CHRM3: variants seen among roughly 807,000 people sequenced by gnomAD.
The protein encoded by CHRM3 is cholinergic receptor muscarinic 3, also known as muscarinic acetylcholine receptor M3.
Under a neutral mutation model 41.8 loss-of-function variants are expected in CHRM3, and 11 were observed. The ratio of observed to expected loss-of-function variants is 0.26; its 90% CI spans 0.17 to 0.44. The LOEUF is 0.44. CHRM3 is among the 20% of genes least tolerant of loss of function. CHRM3 has a pLI of 1.00. For missense variants in CHRM3, 571 were observed against 745.4 expected (o/e 0.77, Z 2.72); for synonymous variants, 297 against 301.4 (o/e 0.99, Z 0.15).
At position 239,655,881 on chromosome 1, in the gene CHRM3, A is replaced by C. The variant is rs561394134; in HGVS notation, c.-249-22305A>C. On this transcript the variant is annotated intron_variant, in intron 4 of 6. Transcript: ENST00000676153. ...CAGACATAAAAATGTTGGTGTTGGC[A>C]ATAGCAAAGATGTGGAACTAATCCA... Among the ~76,000 whole-genome samples, 44 of 152,350 alleles carry C rather than the reference A, an allele frequency of 2.9e-4. No homozygotes were observed. The South Asian group carries it at 8.7e-3, about 30-fold the overall frequency.
At chr1:239,852,799 T>C (rs917526693) in intron 6 of CHRM3, among the ~76,000 whole-genome samples, 9 of 152,172 alleles carry the variant, frequency 5.9e-5, no homozygotes, top group African/African-American at 1.9e-4. Flanking sequence ...TTTCATGAGA[T>C]TAATTTTAAA....
chr1:239,684,218 G>C (rs1658849498), intron 5 of CHRM3, among the ~76,000 whole-genome samples: 1 of 152,064 alleles, frequency 6.6e-6, no homozygotes, highest in Admixed American at 6.6e-5. Flanking sequence ...CTAATTTGCT[G>C]TTACAGGGCA....
chr1:239,509,288 T>G (rs1263858609), intron 2 of CHRM3, among the ~76,000 whole-genome samples: 1 of 152,230 alleles, frequency 6.6e-6, no homozygotes, highest in African/African-American at 2.4e-5. Context: ...ACAGGTGTTT[T>G]TTTTAAACTA....
At chr1:239,625,580 G>A (rs1329334380) in intron 3 of CHRM3, among the ~76,000 whole-genome samples, 1 of 25,214 alleles carries the variant, frequency 4.0e-5, no homozygotes, top group Non-Finnish European at 6.1e-5. Flanking sequence ...TCTTGTGCCA[G>A]TTTTCAAAGG....
At chr1:239,736,911 A>C (rs1272840691) in intron 5 of CHRM3, among the ~76,000 whole-genome samples, 2 of 152,168 alleles carry the variant, frequency 1.3e-5, no homozygotes, top group Non-Finnish European at 2.9e-5. Context: ...TTTGCATGAA[A>C]GTTCAGTCTT....
intron 5 of CHRM3, among the ~76,000 whole-genome samples, chr1:239,789,883 T>G (rs930583114): frequency 3.3e-5 from 5 of 152,198 alleles, no homozygotes; most frequent in African/African-American, 9.7e-5. Flanking sequence ...AGATTCCTCA[T>G]TAGTCTTTTG....
chr1:239,448,351 A>C (rs1664303054), intron 1 of CHRM3, among the ~76,000 whole-genome samples: 1 of 152,208 alleles, frequency 6.6e-6, no homozygotes, highest in Non-Finnish European at 1.5e-5. Context: ...GTCACTGATT[A>C]GTCAAATTAT....
chr1:239,760,690 T>C (rs895826323), intron 5 of CHRM3, among the ~76,000 whole-genome samples: 7 of 152,234 alleles, frequency 4.6e-5, no homozygotes, highest in Non-Finnish European at 8.8e-5. Context: ...GGGGCCGCTC[T>C]GCTCATGTGT....
Position 239,908,052 on chromosome 1 carries a change from G to A in CHRM3, c.601G>A (p.Ala201Thr). ...LAWVISFVLW[A>T]PAILFWQYFV... is the part of the protein sequence containing the mutation. ...TTGGGTCATCTCCTTTGTCCTTTGG[G>A]CTCCTGCCATCTTGTTCTGGCAATA... The change falls in exon 7 of 7, where the codon GCT becomes ACT. Residue 201 changes from alanine (A) to threonine (T), a missense_variant. Physicochemically the swap from Ala to Thr is moderately conservative, Grantham distance 58. Around this residue, in one of 5 missense-constraint regions of CHRM3, gnomAD observed 153 missense variants for 296.3 expected, o/e 0.52. Transcript: ENST00000676153. This position sits in a 1 kb window ranked among gnomAD's most constrained non-coding sequence, Gnocchi z 7.2. 6.2e-7 allele frequency: 1 copy of A among 1,614,138 alleles called. No homozygotes were observed. The highest frequency in any genetic ancestry group is 8.5e-7 in the Non-Finnish European group (1 of 1,180,028).
chr1:239,642,499 G>A (rs12086609), intron 4 of CHRM3, among the ~76,000 whole-genome samples: 52,521 of 151,666 alleles, frequency 0.35, 9,421 homozygotes, highest in African/African-American at 0.42. Flanking sequence ...TTCCCTTCTC[G>A]CTTCATTTCA....
intron 4 of CHRM3, among the ~76,000 whole-genome samples, chr1:239,649,449 G>A (rs867825019): frequency 4.2e-4 from 64 of 150,632 alleles, no homozygotes; most frequent in African/African-American, 1.5e-3. Context: ...AAAGACGTAA[G>A]TCTGATTTGA....
intron 5 of CHRM3, among the ~76,000 whole-genome samples, chr1:239,714,498 G>T (rs1662141167): frequency 6.6e-6 from 1 of 152,160 alleles, no homozygotes; most frequent in Non-Finnish European, 1.5e-5. Flanking sequence ...GGGATGAGCA[G>T]AGGCAGAAGA....
chr1:239,674,155 C>A (rs553011367), intron 4 of CHRM3, among the ~76,000 whole-genome samples: 26 of 152,118 alleles, frequency 1.7e-4, no homozygotes, highest in Non-Finnish European at 3.2e-4. Context: ...TTCCTAGGAA[C>A]GCCATTTTTT....
At chr1:239,389,884 G>A (rs972571190) in intron 1 of CHRM3, among the ~76,000 whole-genome samples, 1 of 152,164 alleles carries the variant, frequency 6.6e-6, no homozygotes, top group African/African-American at 2.4e-5. Flanking sequence ...GTGCCGGGAA[G>A]TTTATACTGG....
At chr1:239,714,509 C>G (rs1235718720) in intron 5 of CHRM3, among the ~76,000 whole-genome samples, 1 of 152,120 alleles carries the variant, frequency 6.6e-6, no homozygotes, top group Non-Finnish European at 1.5e-5. Context: ...AGGCAGAAGA[C>G]AGCTTGTGCC....
intron 1 of CHRM3, among the ~76,000 whole-genome samples, chr1:239,392,353 C>T (rs528053018): frequency 2.1e-4 from 32 of 152,302 alleles, no homozygotes; most frequent in African/African-American, 7.7e-4. Context: ...ATTTGAGTGG[C>T]TGACTATCCA....
At position 239,909,350 on chromosome 1, in the gene CHRM3, A is replaced by T; in HGVS notation, c.*126A>T. ...TGGTTTTATCACCCAGATGTGAAAG[A>T]AGCTGCCTGTTTACTGATCCATTGA... is the stretch of plus-strand genomic sequence containing the variant. On this transcript the variant is annotated 3_prime_UTR_variant, in exon 7 of 7. Coordinates refer to ENST00000676153, the MANE Select transcript of CHRM3 (RefSeq NM_001375978.1). 1 of 936,454 alleles carries T rather than the reference A, an allele frequency of 1.1e-6. No homozygotes were observed. Among genetic ancestry groups the T allele is most frequent in the Non-Finnish European group, 1.6e-6 (1 of 634,324 alleles). The allele number at this position is 936,454 out of a possible 1,614,324, so 58.0% of individuals were successfully genotyped here.
intron 3 of CHRM3, among the ~76,000 whole-genome samples, chr1:239,613,481 G>A (rs1667287811): frequency 6.6e-6 from 1 of 152,160 alleles, no homozygotes; most frequent in African/African-American, 2.4e-5. Context: ...TTTGAAACCT[G>A]TCCCAATCTC....
chr1:239,832,510 G>A (rs1057195680), intron 6 of CHRM3, among the ~76,000 whole-genome samples: 1 of 152,052 alleles, frequency 6.6e-6, no homozygotes, highest in Non-Finnish European at 1.5e-5. Flanking sequence ...ACTGTTACCG[G>A]GAAGGGGTCC....
Sources: gnomAD v4.1 joint callset for allele counts (sites outside exome capture counted in the v4.1 genomes callset) on GRCh38, gnomAD v4.1.1 for gene constraint, gnomAD v4.1.1 regional missense constraint, Gnocchi (gnomAD v3.1) non-coding constraint, MANE v1.5 for transcripts, NCBI Gene and HGNC (gene_info 2026-07-23, HGNC 2026-07-21) for gene names.